The following ALOX5AP variants were observed in gnomAD, a reference collection of about 807,000 sequenced individuals.
ALOX5AP encodes the protein arachidonate 5-lipoxygenase-activating protein.
ALOX5AP carries 9 observed loss-of-function variants against 18.5 expected under a neutral mutation model. The ratio of observed to expected loss-of-function variants is 0.49; its 90% confidence interval spans 0.29 to 0.85. ALOX5AP has a LOEUF of 0.85. ALOX5AP is among the 40% of genes least tolerant of loss of function. The pLI is 0.08. For missense variants in ALOX5AP, 172 were observed against 202.5 expected, an observed-to-expected ratio of 0.85 and a Z score of 0.91; for synonymous variants, 81 against 78.6, an observed-to-expected ratio of 1.03 and a Z score of -0.16.
At chr13:30,720,657 A>G (rs1327960708) in intron 1 of ALOX5AP, among the ~76,000 whole-genome samples, 1 of 152,250 alleles carries the variant, frequency 6.6e-6, no homozygotes, top group Non-Finnish European at 1.5e-5. Context: ...TTTATTCAAA[A>G]GGAAAACAGG....
At chr13:30,728,588 T>A (rs1426552330) in intron 1 of ALOX5AP, among the ~76,000 whole-genome samples, 5 of 152,224 alleles carry the variant, frequency 3.3e-5, no homozygotes, top group African/African-American at 1.2e-4. Flanking sequence ...GGACATATGG[T>A]AAGTGTATGT....
chr13:30,726,380 C>CA (rs1951639565), intron 1 of ALOX5AP, among the ~76,000 whole-genome samples: 1 of 152,192 alleles, frequency 6.6e-6, no homozygotes, highest in Admixed American at 6.5e-5. Flanking sequence ...GAGGACTGAT[C>CA]ATGGTCCAGG....
At chr13:30,735,456 AAAAG>A, upstream of ALOX5AP, 6 of 1,284,210 alleles carry the variant, frequency 4.7e-6, no homozygotes, top group South Asian at 3.6e-5. Context: ...AAAAAAAAAA[AAAAG>A]GAAGAAGAAG....
chr13:30,759,673 G>A (rs1364538802), intron 4 of ALOX5AP, among the ~76,000 whole-genome samples: 2 of 152,216 alleles, frequency 1.3e-5, no homozygotes, highest in Admixed American at 6.5e-5. Flanking sequence ...ATGTTTTAGA[G>A]TCTGTGGGCC....
intron 4 of ALOX5AP, among the ~76,000 whole-genome samples, chr13:30,756,835 AAAAAAG>A (rs1951899568): frequency 6.6e-6 from 1 of 150,880 alleles, no homozygotes; most frequent in Non-Finnish European, 1.5e-5. Flanking sequence ...AAAAAAAAAA[AAAAAAG>A]ATGCAGACAC....
At chr13:30,714,923 G>A (rs541244948) in intron 1 of ALOX5AP, among the ~76,000 whole-genome samples, 1 of 152,286 alleles carries the variant, frequency 6.6e-6, no homozygotes, top group South Asian at 2.1e-4. Flanking sequence ...TCCCCGCTTA[G>A]AGCTGTGTCA....
chr13:30,755,801 G>A (rs994936090), intron 3 of ALOX5AP, 143 bp from the exon 4 acceptor site: 5 of 720,156 alleles, frequency 6.9e-6, no homozygotes, highest in South Asian at 3.5e-5. Context: ...AGGTTCTCAG[G>A]TTTCCTCTAG....
chr13:30,716,262 A>G (rs1951549315), intron 1 of ALOX5AP, among the ~76,000 whole-genome samples: 3 of 152,236 alleles, frequency 2.0e-5, no homozygotes, highest in African/African-American at 7.2e-5. Flanking sequence ...ACACTGCAAC[A>G]ACAGGGAAAG....
At chr13:30,733,417 C>G (rs1951697242), upstream of ALOX5AP, among the ~76,000 whole-genome samples, 1 of 152,188 alleles carries the variant, frequency 6.6e-6, no homozygotes, top group Admixed American at 6.5e-5. Context: ...AGAGCTAACG[C>G]TTTATGGGGT....
At chr13:30,731,880 C>A (rs1951684296), upstream of ALOX5AP, among the ~76,000 whole-genome samples, 1 of 152,248 alleles carries the variant, frequency 6.6e-6, no homozygotes, top group Admixed American at 6.5e-5. Context: ...CTGCGGGAAT[C>A]CGGGCAGGCA....
At chr13:30,732,962 C>T (rs4075474), upstream of ALOX5AP, among the ~76,000 whole-genome samples, 75,045 of 151,538 alleles carry the variant, frequency 0.5, 21,198 homozygotes, top group African/African-American at 0.78. Flanking sequence ...GAGACCATCC[C>T]GGCTAACACG....
At chr13:30,735,399 C>T, upstream of ALOX5AP, 2 of 1,092,982 alleles carry the variant, frequency 1.8e-6, no homozygotes, top group African/African-American at 1.8e-5. Context: ...TGGTGGGACA[C>T]ACTGAACCAC....
intron 1 of ALOX5AP, 48 bp from the exon 2 acceptor site, chr13:30,744,012 C>T: frequency 1.3e-6 from 2 of 1,520,112 alleles, no homozygotes; most frequent in East Asian, 4.5e-5. Flanking sequence ...GTAACAGGCT[C>T]CTGAACATGC....
intron 3 of ALOX5AP, among the ~76,000 whole-genome samples, chr13:30,754,633 T>C (rs970527764): frequency 6.6e-6 from 1 of 152,246 alleles, no homozygotes; most frequent in Non-Finnish European, 1.5e-5. Context: ...TTATTATTGA[T>C]AATGCAGGTG....
At chr13:30,723,932 A>G (rs1293649650) in intron 1 of ALOX5AP, among the ~76,000 whole-genome samples, 1 of 152,146 alleles carries the variant, frequency 6.6e-6, no homozygotes, top group African/African-American at 2.4e-5. Context: ...TTTAAAATCA[A>G]TTTTATTGAA....
At chr13:30,749,952 T>C (rs770748069) in intron 2 of ALOX5AP, among the ~76,000 whole-genome samples, 1 of 152,082 alleles carries the variant, frequency 6.6e-6, no homozygotes, top group Non-Finnish European at 1.5e-5. Context: ...ACCCTAATGG[T>C]TTGCATGAGC....
intron 4 of ALOX5AP, among the ~76,000 whole-genome samples, chr13:30,756,264 C>T (rs1479178670): frequency 6.6e-6 from 1 of 152,158 alleles, no homozygotes; most frequent in African/African-American, 2.4e-5. Context: ...ATGGTGCTGG[C>T]TTTCAAAGGG....
intron 1 of ALOX5AP, among the ~76,000 whole-genome samples, chr13:30,725,466 A>T (rs1466433604): frequency 6.6e-6 from 1 of 152,230 alleles, no homozygotes; most frequent in African/African-American, 2.4e-5. Flanking sequence ...CTATGTATGG[A>T]CACAGCAACA....
intron 2 of ALOX5AP, among the ~76,000 whole-genome samples, chr13:30,746,752 A>G (rs1394585327): frequency 1.3e-5 from 2 of 152,260 alleles, no homozygotes; most frequent in African/African-American, 2.4e-5. Context: ...AAAGTAAGAC[A>G]TGAAGCTTTC....
Sources: gnomAD v4.1 joint callset for allele counts (sites outside exome capture counted in the v4.1 genomes callset) on GRCh38, gnomAD v4.1.1 for gene constraint, MANE v1.5 for transcripts, NCBI Gene and HGNC (gene_info 2026-07-23, HGNC 2026-07-21) for gene names.